The following AVEN variants were observed in gnomAD, a reference collection of about 807,000 sequenced individuals.
AVEN encodes the protein apoptosis and caspase activation inhibitor, also known as cell death regulator Aven.
AVEN carries 41 observed loss-of-function variants against 38.1 expected under a neutral mutation model. The observed-to-expected ratio is 1.08, with a 90% CI of 0.84 to 1.40. The LOEUF is 1.40. Ranked by LOEUF, AVEN falls within the 40% of genes most tolerant of loss-of-function variation. The pLI is 0.00. For synonymous variants in AVEN, 206 were observed against 171.8 expected (o/e 1.20, Z -1.56); for missense variants, 605 against 438.8 (o/e 1.38, Z -3.38).
intron 1 of AVEN, among the ~76,000 whole-genome samples, chr15:34,021,139 T>C (rs1238289368): frequency 6.6e-6 from 1 of 152,150 alleles, no homozygotes; most frequent in Non-Finnish European, 1.5e-5. Context: ...GCCTATCTTT[T>C]CTCATTTGTG....
intron 2 of AVEN, among the ~76,000 whole-genome samples, chr15:33,950,947 G>A (rs1487794812): frequency 1.3e-5 from 2 of 152,122 alleles, no homozygotes; most frequent in African/African-American, 4.8e-5. Context: ...CTCTGAGGCT[G>A]CAGTGAGCTA....
At chr15:33,972,976 T>C (rs1486972631) in intron 2 of AVEN, among the ~76,000 whole-genome samples, 2 of 152,238 alleles carry the variant, frequency 1.3e-5, no homozygotes, top group African/African-American at 4.8e-5. Flanking sequence ...CAGTGGTGTG[T>C]AGAGAATTCT....
At chr15:34,020,087 G>A (rs1898135973) in intron 1 of AVEN, among the ~76,000 whole-genome samples, 1 of 152,126 alleles carries the variant, frequency 6.6e-6, no homozygotes, top group African/African-American at 2.4e-5. Flanking sequence ...CAAGGTGGGT[G>A]GATCACAAGG....
the AVEN span, chr15:33,853,429 G>A: frequency 8.2e-7 from 1 of 1,220,430 alleles, no homozygotes; most frequent in Non-Finnish European, 1.1e-6. Context: ...TCTGCATTTT[G>A]AACTATGTCT....
At chr15:34,006,284 C>T (rs940687088) in intron 1 of AVEN, among the ~76,000 whole-genome samples, 3 of 151,424 alleles carry the variant, frequency 2.0e-5, no homozygotes, top group East Asian at 1.9e-4. Context: ...GCAATCCAGC[C>T]CGGGCAACAG....
At chr15:33,933,949 A>G (rs1893969135) in intron 2 of AVEN, among the ~76,000 whole-genome samples, 3 of 152,210 alleles carry the variant, frequency 2.0e-5, no homozygotes, top group East Asian at 1.9e-4. Context: ...ATGGAATGAG[A>G]CTCTGTCTCA....
At chr15:33,961,730 G>A (rs111487558) in intron 2 of AVEN, among the ~76,000 whole-genome samples, 27,058 of 148,182 alleles carry the variant, frequency 0.18, 7,055 homozygotes, top group African/African-American at 0.59. Context: ...GGAGAATGGC[G>A]TGAACCCGGG....
chr15:33,953,230 C>A (rs1293967122), intron 2 of AVEN, among the ~76,000 whole-genome samples: 1 of 151,818 alleles, frequency 6.6e-6, no homozygotes, highest in African/African-American at 2.4e-5. Flanking sequence ...TCTATAGATT[C>A]AATGCCATCC....
chr15:33,865,315 T>C (rs544574461), downstream of AVEN: 157 of 873,310 alleles, frequency 1.8e-4, no homozygotes, highest in Non-Finnish European at 2.4e-4. Flanking sequence ...ATATCTGAAA[T>C]GTGACATTTT....
chr15:34,015,313 C>T (rs1425512116), intron 1 of AVEN, among the ~76,000 whole-genome samples: 2 of 151,954 alleles, frequency 1.3e-5, no homozygotes, highest in Admixed American at 6.6e-5. Context: ...GAAACCCCAC[C>T]TCTACTAAAA....
chr15:34,044,535 T>C (rs988552660), intron 5 of AVEN, among the ~76,000 whole-genome samples: 1 of 151,534 alleles, frequency 6.6e-6, no homozygotes, highest in African/African-American at 2.4e-5. Flanking sequence ...CATAACTTTG[T>C]TTATGACAGT....
chr15:34,053,315 A>AT (rs1288903070), intron 5 of AVEN, among the ~76,000 whole-genome samples: 100 of 87,266 alleles, frequency 1.1e-3, no homozygotes, highest in Middle Eastern at 5.5e-3. Flanking sequence ...AAAAAAAAAA[A>AT]AAAAATATAT....
At chr15:34,039,647 GA>G (rs1025272445), upstream of AVEN, among the ~76,000 whole-genome samples, 5 of 152,160 alleles carry the variant, frequency 3.3e-5, no homozygotes, top group Non-Finnish European at 7.3e-5. Context: ...CAGCACGTGG[GA>G]GAGAGAACAG....
intron 2 of AVEN, among the ~76,000 whole-genome samples, chr15:33,934,652 G>GT (rs1288479860): frequency 6.6e-6 from 1 of 152,146 alleles, no homozygotes; most frequent in African/African-American, 2.4e-5. Context: ...TGAGGACTAT[G>GT]TTTAACTCTT....
intron 1 of AVEN, among the ~76,000 whole-genome samples, chr15:34,016,667 T>C (rs1260083865): frequency 6.6e-6 from 1 of 152,242 alleles, no homozygotes; most frequent in Non-Finnish European, 1.5e-5. Flanking sequence ...TTGTATGCTA[T>C]GGAGTATGTA....
chr15:33,925,905 C>A (rs533846129), intron 2 of AVEN, among the ~76,000 whole-genome samples: 12 of 152,306 alleles, frequency 7.9e-5, no homozygotes, highest in African/African-American at 2.6e-4. Flanking sequence ...CCTTATGTTT[C>A]ATCAGACTCT....
At chr15:33,857,362 G>C (rs1429704074), downstream of AVEN, among the ~76,000 whole-genome samples, 3 of 151,964 alleles carry the variant, frequency 2.0e-5, no homozygotes, top group Non-Finnish European at 2.9e-5. Flanking sequence ...CTCTCTCTCT[G>C]TGTCTCCAAC....
chr15:34,034,058 T>C (rs1049547845), intron 1 of AVEN, among the ~76,000 whole-genome samples: 1 of 152,218 alleles, frequency 6.6e-6, no homozygotes, highest in Non-Finnish European at 1.5e-5. Context: ...GTGCTGGGAT[T>C]ACAGGCATGA....
chr15:34,061,801 C>T (rs1396772850), intron 5 of AVEN, among the ~76,000 whole-genome samples: 1 of 152,144 alleles, frequency 6.6e-6, no homozygotes, highest in Non-Finnish European at 1.5e-5. Flanking sequence ...ACCAGATATG[C>T]ACTTGGAGTT....
Sources: allele counts gnomAD v4.1 joint callset (sites outside exome capture counted in the v4.1 genomes callset), GRCh38; gene constraint gnomAD v4.1.1; transcripts MANE v1.5; gene names NCBI Gene and HGNC (gene_info 2026-07-23, HGNC 2026-07-21).